MCTP1: variants seen among roughly 807,000 people sequenced by gnomAD.
The protein encoded by MCTP1 is multiple C2 and transmembrane domain-containing protein 1.
Under a neutral mutation model 120.6 loss-of-function variants are expected in MCTP1, and 69 were observed. That is an observed-to-expected ratio of 0.57 (90% CI 0.47 to 0.70). The LOEUF is 0.70. Ranked by LOEUF, MCTP1 falls within the 30% of genes least tolerant of loss-of-function variation. The probability of loss-of-function intolerance (pLI) is 0.00; values close to 1 mark genes in which losing one functional copy is unlikely to be tolerated. For synonymous variants in MCTP1, 529 were observed against 493.1 expected (o/e 1.07, Z -0.96); for missense variants, 1,203 against 1,248.8 (o/e 0.96, Z 0.55).
At chr5:95,149,295 C>T (rs1198631399) in intron 1 of MCTP1, among the ~76,000 whole-genome samples, 1 of 152,210 alleles carries the variant, frequency 6.6e-6, no homozygotes, top group Non-Finnish European at 1.5e-5. Flanking sequence ...AACCAATGAA[C>T]TCGGGTGTCT....
chr5:95,199,126 T>C (rs1750715929), intron 1 of MCTP1, among the ~76,000 whole-genome samples: 1 of 152,228 alleles, frequency 6.6e-6, no homozygotes, highest in Non-Finnish European at 1.5e-5. Flanking sequence ...TCATTAGCCA[T>C]TAAACATAAA....
At position 94,871,345 on chromosome 5, in the gene MCTP1, A is replaced by C; in HGVS notation, c.2109T>G (p.Phe703Leu). The change falls in exon 14 of 23, where the codon TTT (phenylalanine) becomes TTG (leucine). Residue 703 changes from phenylalanine (F) to leucine (L), a missense_variant. By Grantham distance (22) the Phe-to-Leu change is conservative. Transcript: ENST00000515393. ...YDEDRDRSAD[F>L]LGKVAIPLLS... ...GCAATGGTATAGCAACTTTGCCCAGAAAGTCAGCACTTCGATCCCGATCTT... is the reference window on the plus strand; with the variant it reads ...GCAATGGTATAGCAACTTTGCCCAGCAAGTCAGCACTTCGATCCCGATCTT... The C allele has an allele frequency of 6.2e-7, 1 of 1,612,276 alleles. No individual in the cohort carries two copies. The highest frequency in any genetic ancestry group is 8.5e-7 in the Non-Finnish European group (1 of 1,178,704).
At chr5:95,177,034 T>TGAGAGA (rs149455367) in intron 1 of MCTP1, among the ~76,000 whole-genome samples, 1 of 149,438 alleles carries the variant, frequency 6.7e-6, no homozygotes, top group African/African-American at 2.4e-5. Flanking sequence ...CCAGCTAATT[T>TGAGAGA]GAGAGAGAGA....
Position 94,799,006 on chromosome 5 carries a change from G to A in MCTP1, c.2556+7C>T. 6.2e-7 allele frequency: 1 copy of A among 1,609,102 alleles called. No individual in the cohort carries two copies. Among genetic ancestry groups the A allele is most frequent in the Non-Finnish European group, 8.5e-7 (1 of 1,177,454 alleles). ...AAACACATACAAGTAAGAGAGTAGA[G>A]ACTTACTGTATCACGTTGCCTGTTA... On this transcript the variant is annotated splice_region_variant and intron_variant, in intron 18 of 22. Coordinates refer to ENST00000515393, the MANE Select transcript of MCTP1 (RefSeq NM_024717.7).
At chr5:94,923,917 A>C in intron 7 of MCTP1, 45 bp downstream of exon 7, 1 of 1,320,070 alleles carries the variant, frequency 7.6e-7, no homozygotes, top group Non-Finnish European at 1.0e-6. Context: ...ATTGCTATCC[A>C]AAACCAAAAA....
chr5:95,250,017 G>T (rs548575644), intron 1 of MCTP1, among the ~76,000 whole-genome samples: 68 of 152,250 alleles, frequency 4.5e-4, no homozygotes, highest in African/African-American at 1.3e-3. Flanking sequence ...GAGAGTGGGG[G>T]CCTGGGAGAG....
intron 2 of MCTP1, among the ~76,000 whole-genome samples, chr5:95,003,245 T>A (rs1295760850): frequency 6.6e-6 from 1 of 152,202 alleles, no homozygotes; most frequent in Non-Finnish European, 1.5e-5. Context: ...TACCATTTTT[T>A]ATCTTTTATA....
chr5:94,743,141 T>TAAAAAAAAAAAA (rs11327016), intron 19 of MCTP1, among the ~76,000 whole-genome samples: 1 of 138,856 alleles, frequency 7.2e-6, no homozygotes, highest in Non-Finnish European at 1.6e-5. Flanking sequence ...TAACCCAATG[T>TAAAAAAAAAAAA]AAAAAAAAAA....
In MCTP1 at chr5:94,710,875, A is replaced by C; in HGVS notation, c.2773T>G (p.Cys925Gly). 6.2e-7 allele frequency: 1 copy of C among 1,613,086 alleles called. No individual in the cohort carries two copies. The highest frequency in any genetic ancestry group is 8.5e-7 in the Non-Finnish European group (1 of 1,179,408). Reference protein sequence around the residue: ...FLSWLAIVALCVFTAILYCIP... With the variant: ...FLSWLAIVALGVFTAILYCIP... ...CAGTACAGGATGGCTGTGAACACAC[A>C]GAGGGCTACAATGGCCAGCCAGCTT... is the stretch of plus-strand genomic sequence containing the variant. The change falls in exon 21 of 23, where the codon TGT becomes GGT. Residue 925 changes from cysteine (C) to glycine (G), a missense_variant. Cys to Gly is a radical substitution (Grantham distance 159). Transcript: ENST00000515393.
chr5:95,000,068 T>A (rs1833372449), intron 2 of MCTP1, among the ~76,000 whole-genome samples: 1 of 152,206 alleles, frequency 6.6e-6, no homozygotes. Flanking sequence ...ACCGATGGAC[T>A]GCATATATGA....
chr5:94,811,665 A>G (rs926204990), intron 17 of MCTP1, among the ~76,000 whole-genome samples: 1 of 152,204 alleles, frequency 6.6e-6, no homozygotes, highest in African/African-American at 2.4e-5. Context: ...CTGCATGTCT[A>G]TGGTGTTGAT....
intron 17 of MCTP1, chr5:94,826,026 T>C: frequency 3.1e-6 from 1 of 321,180 alleles, no homozygotes; most frequent in Non-Finnish European, 6.0e-6. Flanking sequence ...ACAAAATGGG[T>C]GCTCTGTTTC....
At chr5:95,274,785 G>A (rs1205337015) in intron 1 of MCTP1, among the ~76,000 whole-genome samples, 1 of 151,850 alleles carries the variant, frequency 6.6e-6, no homozygotes, top group East Asian at 1.9e-4. Flanking sequence ...CACCATGCCC[G>A]GCTAATTTTT....
chr5:94,859,254 C>T (rs1440134182), intron 17 of MCTP1, among the ~76,000 whole-genome samples: 1 of 151,614 alleles, frequency 6.6e-6, no homozygotes, highest in Admixed American at 6.6e-5. Flanking sequence ...GCAATAGGCT[C>T]TTGCCATAGA....
intron 8 of MCTP1, 39 bp from the exon 9 acceptor site, chr5:94,913,015 T>C: frequency 6.5e-7 from 1 of 1,542,470 alleles, no homozygotes; most frequent in Non-Finnish European, 8.7e-7. Flanking sequence ...TACTGTGTTT[T>C]AAACCCAAAA....
chr5:95,026,022 A>G (rs75250972), intron 1 of MCTP1, among the ~76,000 whole-genome samples: 4,358 of 152,272 alleles, frequency 0.029, 87 homozygotes, highest in African/African-American at 0.059. Flanking sequence ...AGCTTCCACC[A>G]GAAGATATAA....
At chr5:94,789,941 T>C (rs1157074488) in intron 18 of MCTP1, among the ~76,000 whole-genome samples, 1 of 152,212 alleles carries the variant, frequency 6.6e-6, no homozygotes, top group Admixed American at 6.5e-5. Flanking sequence ...TTCAAACATT[T>C]TTTGAGTAAC....
At chr5:94,858,133 T>G (rs1795050035) in intron 17 of MCTP1, among the ~76,000 whole-genome samples, 1 of 151,720 alleles carries the variant, frequency 6.6e-6, no homozygotes, top group Admixed American at 6.6e-5. Flanking sequence ...TTTAAGCTGT[T>G]TAAGCAACTC....
chr5:95,167,640 T>G (rs1177787977), intron 1 of MCTP1, among the ~76,000 whole-genome samples: 1 of 152,270 alleles, frequency 6.6e-6, no homozygotes, highest in African/African-American at 2.4e-5. Flanking sequence ...GGTTTTGATT[T>G]GCATTTCTCT....
Sources: allele counts gnomAD v4.1 joint callset (sites outside exome capture counted in the v4.1 genomes callset), GRCh38; gene constraint gnomAD v4.1.1; transcripts MANE v1.5; gene names NCBI Gene and HGNC (gene_info 2026-07-23, HGNC 2026-07-21).